GADL1: variants seen among roughly 807,000 people sequenced by gnomAD.
GADL1 encodes acidic amino acid decarboxylase GADL1.
Under a neutral mutation model 69.5 loss-of-function variants are expected in GADL1, and 71 were observed. The observed-to-expected ratio is 1.02, with a 90% CI of 0.84 to 1.25. The LOEUF (loss-of-function observed/expected upper bound fraction) is 1.25. Among genes scored for constraint, GADL1 ranks in the 50% most tolerant of loss-of-function variants. The pLI, the probability that GADL1 is intolerant of heterozygous loss-of-function variation, is 0.00. For missense variants in GADL1, 737 were observed against 631.8 expected (o/e 1.17, Z -1.79); for synonymous variants, 254 against 214.4 (o/e 1.18, Z -1.62).
chr3:30,778,345 A>C, intron 13 of GADL1, 77 bp from the exon 14 acceptor site: 1 of 923,980 alleles, frequency 1.1e-6, no homozygotes. Context: ...TAAAACTCTT[A>C]GCTAGTTTCT....
At chr3:30,856,720 A>C (rs1698235615) in intron 3 of GADL1, among the ~76,000 whole-genome samples, 1 of 152,078 alleles carries the variant, frequency 6.6e-6, no homozygotes, top group African/African-American at 2.4e-5. Flanking sequence ...AAGAAATGAT[A>C]AGTAGCAGTG....
intron 8 of GADL1, among the ~76,000 whole-genome samples, chr3:30,842,072 G>A (rs1697975089): frequency 6.6e-6 from 1 of 152,116 alleles, no homozygotes; most frequent in Non-Finnish European, 1.5e-5. Context: ...ATGGTAGTGG[G>A]GGGAAAGAGG....
intron 11 of GADL1, among the ~76,000 whole-genome samples, chr3:30,804,272 G>T (rs531026112): frequency 1.3e-5 from 2 of 152,150 alleles, no homozygotes; most frequent in Non-Finnish European, 2.9e-5. Context: ...CATATGGAAA[G>T]CTGGTAGGAA....
At chr3:30,788,564 A>G (rs1031149541) in intron 12 of GADL1, among the ~76,000 whole-genome samples, 2 of 152,168 alleles carry the variant, frequency 1.3e-5, no homozygotes, top group South Asian at 2.1e-4. Context: ...TAAGGCAACA[A>G]TGAAGTTTGC....
chr3:30,746,702 C>A (rs916178850), intron 14 of GADL1, among the ~76,000 whole-genome samples: 3 of 152,146 alleles, frequency 2.0e-5, no homozygotes, highest in Admixed American at 6.5e-5. Flanking sequence ...TTCTTACACA[C>A]AGAAATGCCA....
chr3:30,779,608 AATAG>A (rs1255089552), intron 13 of GADL1, among the ~76,000 whole-genome samples: 11 of 152,206 alleles, frequency 7.2e-5, no homozygotes, highest in African/African-American at 2.4e-4. Flanking sequence ...AACCTAATAT[AATAG>A]ATTTATCTAG....
intron 11 of GADL1, among the ~76,000 whole-genome samples, chr3:30,806,211 CA>C (rs36038746): frequency 6.6e-6 from 1 of 151,356 alleles, no homozygotes; most frequent in African/African-American, 2.4e-5. Context: ...TATTTACATG[CA>C]AAAAAAATGG....
chr3:30,870,285 G>C (rs1359300550), intron 1 of GADL1, among the ~76,000 whole-genome samples: 1 of 151,820 alleles, frequency 6.6e-6, no homozygotes, highest in East Asian at 1.9e-4. Flanking sequence ...CTGAACAGAA[G>C]ATATCTGAAT....
intron 1 of GADL1, among the ~76,000 whole-genome samples, chr3:30,893,289 G>T (rs1698809936): frequency 6.6e-6 from 1 of 151,846 alleles, no homozygotes; most frequent in Non-Finnish European, 1.5e-5. Context: ...CATCATAATT[G>T]TACCTGTTTA....
At chr3:30,852,020 A>T (rs1698154776) in intron 4 of GADL1, among the ~76,000 whole-genome samples, 1 of 152,186 alleles carries the variant, frequency 6.6e-6, no homozygotes, top group Non-Finnish European at 1.5e-5. Context: ...ATTAAATTGT[A>T]TCTGAATAAA....
At chr3:30,816,545 T>G (rs1475914160) in intron 11 of GADL1, among the ~76,000 whole-genome samples, 2 of 73,804 alleles carry the variant, frequency 2.7e-5, no homozygotes, top group African/African-American at 1.1e-4. Context: ...TTTTTTTTTT[T>G]TTTTTTTTTT....
At chr3:30,787,737 T>C (rs886415520) in intron 12 of GADL1, among the ~76,000 whole-genome samples, 1 of 152,166 alleles carries the variant, frequency 6.6e-6, no homozygotes. Context: ...TCAAGTCTCT[T>C]ACCTGTAAAA....
chr3:30,855,019 C>G (rs911082216), intron 3 of GADL1, among the ~76,000 whole-genome samples: 1 of 152,062 alleles, frequency 6.6e-6, no homozygotes, highest in Non-Finnish European at 1.5e-5. Context: ...GAAGGGACTT[C>G]AGAGAGCCTC....
Position 30,822,653 on chromosome 3 carries a change from A to G in GADL1, c.1050+11200T>C, listed in dbSNP as rs115696697. 2.5e-3 allele frequency among the ~76,000 whole-genome samples: 377 copies of G among 152,158 alleles called. 1 individual carries two copies. Among genetic ancestry groups the G allele is most frequent in the African/African-American group, 8.8e-3 (364 of 41,530 alleles). ...TTTACAACTAATTTTCGCATTCTTA[A>G]TTATGCTTGACTCTGACAGTGTGAT... On this transcript the variant is annotated intron_variant, in intron 11 of 14. Coordinates refer to ENST00000282538, the MANE Select transcript of GADL1 (RefSeq NM_207359.3).
chr3:30,817,370 C>T (rs1265135832), intron 11 of GADL1, among the ~76,000 whole-genome samples: 6 of 152,264 alleles, frequency 3.9e-5, no homozygotes, highest in Non-Finnish European at 1.5e-5. Context: ...ATTAACCTTG[C>T]CACCAATCAT....
intron 14 of GADL1, among the ~76,000 whole-genome samples, chr3:30,760,343 C>T (rs1696097456): frequency 6.6e-6 from 1 of 152,076 alleles, no homozygotes; most frequent in South Asian, 2.1e-4. Flanking sequence ...ATTTTTGCTT[C>T]TCTTCATTAA....
At chr3:30,806,624 C>A (rs1271859507) in intron 11 of GADL1, among the ~76,000 whole-genome samples, 1 of 152,152 alleles carries the variant, frequency 6.6e-6, no homozygotes, top group Admixed American at 6.5e-5. Context: ...CCACTACTGT[C>A]CAGTGCTAGA....
chr3:30,842,847 G>A (rs961289396), intron 8 of GADL1, among the ~76,000 whole-genome samples: 13 of 88,816 alleles, frequency 1.5e-4, no homozygotes, highest in African/African-American at 2.7e-4. Flanking sequence ...AAAAAAAGTA[G>A]GACACACACC....
chr3:30,803,973 T>C (rs1248398757), intron 11 of GADL1, among the ~76,000 whole-genome samples: 1 of 152,180 alleles, frequency 6.6e-6, no homozygotes, highest in African/African-American at 2.4e-5. Context: ...ACAATAAATA[T>C]TAGTAACATG....
Sources: allele counts gnomAD v4.1 joint callset (sites outside exome capture counted in the v4.1 genomes callset), GRCh38; gene constraint gnomAD v4.1.1; transcripts MANE v1.5; gene names NCBI Gene and HGNC (gene_info 2026-07-23, HGNC 2026-07-21).